GCNT2: variants seen among roughly 807,000 people sequenced by gnomAD.
The protein encoded by GCNT2 is glucosaminyl (N-acetyl) transferase 2 (I blood group).
A neutral mutation model predicts 34.2 loss-of-function variants in GCNT2; 34 were observed. The observed-to-expected ratio is 1.00, with a 90% CI of 0.76 to 1.32. The LOEUF is 1.32. GCNT2 is among the 40% of genes most tolerant of loss of function. GCNT2 has a pLI of 0.00. For synonymous variants in GCNT2, 212 were observed against 188.0 expected (o/e 1.13, Z -1.04); for missense variants, 584 against 489.4 (o/e 1.19, Z -1.82).
At chr6:10,563,080 G>A (rs953419443) in intron 3 of GCNT2, among the ~76,000 whole-genome samples, 3 of 151,824 alleles carry the variant, frequency 2.0e-5, no homozygotes, top group Non-Finnish European at 2.9e-5. Flanking sequence ...ACTTGAACCC[G>A]GGAGGCAGAG....
intron 3 of GCNT2, among the ~76,000 whole-genome samples, chr6:10,569,104 G>A (rs1426629490): frequency 6.6e-6 from 1 of 151,954 alleles, no homozygotes; most frequent in African/African-American, 2.4e-5. Context: ...CATTCAGTGG[G>A]CTGACAGGAA....
In GCNT2 at chr6:10,529,358, T is replaced by G; in HGVS notation, c.447T>G (p.Asn149Lys). 1 of 1,614,072 alleles carries G rather than the reference T, an allele frequency of 6.2e-7. No homozygotes were observed. The highest frequency in any genetic ancestry group is 8.5e-7 in the Non-Finnish European group (1 of 1,180,004). Reference protein sequence around the residue: ...AVKQLLSCFPNAFLASKKESV... With the variant: ...AVKQLLSCFPKAFLASKKESV... ...AACAGTTACTCAGCTGCTTCCCAAATGCTTTTCTGGCTTCCAAGAAGGAGT... is the reference window on the plus strand; with the variant it reads ...AACAGTTACTCAGCTGCTTCCCAAAGGCTTTTCTGGCTTCCAAGAAGGAGT... The change falls in exon 3 of 5, where the codon AAT becomes AAG. Residue 149 changes from asparagine (N) to lysine (K), a missense_variant. Physicochemically the swap from Asn to Lys is moderately conservative, Grantham distance 94. Transcript: ENST00000495262.
chr6:10,523,721 C>A (rs1354521100), intron 1 of GCNT2, among the ~76,000 whole-genome samples: 3 of 152,060 alleles, frequency 2.0e-5, no homozygotes, highest in African/African-American at 7.2e-5. Context: ...GCCTGTAATC[C>A]CAGCACTTTG....
chr6:10,538,425 A>AG (rs1761873341), intron 3 of GCNT2, among the ~76,000 whole-genome samples: 1 of 129,876 alleles, frequency 7.7e-6, no homozygotes, highest in African/African-American at 3.8e-5. Context: ...AAAAAAAAAA[A>AG]AAAAAAAAAA....
At chr6:10,618,317 T>G (rs904127976) in intron 3 of GCNT2, among the ~76,000 whole-genome samples, 7 of 152,178 alleles carry the variant, frequency 4.6e-5, no homozygotes, top group Non-Finnish European at 1.0e-4. Flanking sequence ...GTATTGAAGT[T>G]GAGGTTTGGA....
intron 3 of GCNT2, among the ~76,000 whole-genome samples, chr6:10,579,771 G>A (rs902322508): frequency 6.9e-5 from 10 of 145,942 alleles, no homozygotes; most frequent in Middle Eastern, 3.8e-3. Flanking sequence ...AGCTGAGATC[G>A]TGCCACTGCG....
At chr6:10,557,949 T>C (rs1424089726) in intron 3 of GCNT2, 2 of 152,486 alleles carry the variant, frequency 1.3e-5, no homozygotes, top group Admixed American at 6.5e-5. Context: ...GTTCTTTCTT[T>C]CCTCTAAATT....
At chr6:10,579,826 C>CAAAAAA (rs61490868) in intron 3 of GCNT2, among the ~76,000 whole-genome samples, 254 of 89,738 alleles carry the variant, frequency 2.8e-3, no homozygotes, top group East Asian at 4.5e-3. Context: ...AAAAAACAAA[C>CAAAAAA]AAAAAAAAAA....
At chr6:10,584,605 C>G (rs894498199) in intron 3 of GCNT2, among the ~76,000 whole-genome samples, 3 of 152,224 alleles carry the variant, frequency 2.0e-5, no homozygotes, top group Non-Finnish European at 4.4e-5. Flanking sequence ...CCCAGGCTTT[C>G]TTGGGCAGGG....
intron 3 of GCNT2, among the ~76,000 whole-genome samples, chr6:10,584,329 G>A (rs1764247000): frequency 6.6e-6 from 1 of 152,168 alleles, no homozygotes; most frequent in South Asian, 2.1e-4. Context: ...GAGTAGTATT[G>A]CTGCCATGAT....
intron 3 of GCNT2, chr6:10,586,053 T>C: frequency 6.2e-7 from 1 of 1,614,144 alleles, no homozygotes; most frequent in Non-Finnish European, 8.5e-7. Context: ...TTTTGTGAGA[T>C]TTTACAGTAG....
intron 3 of GCNT2, among the ~76,000 whole-genome samples, chr6:10,595,074 G>A (rs746581900): frequency 5.9e-5 from 9 of 152,012 alleles, no homozygotes; most frequent in South Asian, 2.1e-4. Flanking sequence ...ATCTGTTCTT[G>A]ATCATTTTGA....
chr6:10,529,561 C>T lies in GCNT2; in HGVS notation c.650C>T (p.Pro217Leu). The stretch of plus-strand genomic sequence containing the variant: ...GGATTTAAAGGGAAAAATATCACCC[C>T]CGGAGTGCTGCCTCCTGACCACGCT... ...LKGFKGKNIT[P>L]GVLPPDHAVG... The change falls in exon 3 of 5, where the codon CCC (proline) becomes CTC (leucine). Residue 217 changes from proline to leucine, a missense_variant. Coordinates refer to ENST00000495262, the MANE Select transcript of GCNT2 (RefSeq NM_145649.5). 2 of 1,614,180 alleles carry T rather than the reference C, an allele frequency of 1.2e-6. No homozygotes were observed. Among genetic ancestry groups the T allele is most frequent in the Non-Finnish European group, 1.7e-6 (2 of 1,180,036 alleles).
chr6:10,579,043 T>A, intron 3 of GCNT2, among the ~76,000 whole-genome samples: 1 of 152,212 alleles, frequency 6.6e-6, no homozygotes, highest in East Asian at 1.9e-4. Flanking sequence ...ATAATTTTGT[T>A]TTAATATGAA....
At chr6:10,535,859 C>A (rs1337757002) in intron 3 of GCNT2, among the ~76,000 whole-genome samples, 1 of 152,146 alleles carries the variant, frequency 6.6e-6, no homozygotes, top group Non-Finnish European at 1.5e-5. Flanking sequence ...AAGACAGACC[C>A]TCCCTGCTTC....
chr6:10,571,434 CT>C (rs1297703088), intron 3 of GCNT2, among the ~76,000 whole-genome samples: 2 of 152,088 alleles, frequency 1.3e-5, no homozygotes, highest in African/African-American at 4.8e-5. Context: ...TCACTGCAAC[CT>C]CCGCCTCCCA....
chr6:10,600,942 C>T (rs1765064557), intron 3 of GCNT2, among the ~76,000 whole-genome samples: 1 of 152,078 alleles, frequency 6.6e-6, no homozygotes, highest in South Asian at 2.1e-4. Flanking sequence ...AGGCGCATGC[C>T]ACCACACCCA....
At chr6:10,625,144 T>C (rs769224811) in intron 4 of GCNT2, among the ~76,000 whole-genome samples, 5 of 152,182 alleles carry the variant, frequency 3.3e-5, no homozygotes, top group Non-Finnish European at 7.3e-5. Flanking sequence ...TATCTGTCCT[T>C]CTGTACTAGT....
At chr6:10,582,147 CAT>C (rs1382694992) in intron 3 of GCNT2, among the ~76,000 whole-genome samples, 3 of 131,728 alleles carry the variant, frequency 2.3e-5, no homozygotes, top group Non-Finnish European at 4.6e-5. Flanking sequence ...ATGATATATT[CAT>C]ATATGTATGT....
Sources: gnomAD v4.1 joint callset for allele counts (sites outside exome capture counted in the v4.1 genomes callset) on GRCh38, gnomAD v4.1.1 for gene constraint, MANE v1.5 for transcripts, NCBI Gene and HGNC (gene_info 2026-07-23, HGNC 2026-07-21) for gene names.